SLC12A7: variants seen among roughly 807,000 people sequenced by gnomAD.
SLC12A7 encodes the protein solute carrier family 12 member 7.
SLC12A7 carries 100 observed loss-of-function variants against 120.6 expected under a neutral mutation model. The ratio of observed to expected loss-of-function variants is 0.83; its 90% confidence interval spans 0.71 to 0.98. The LOEUF (loss-of-function observed/expected upper bound fraction) is 0.98. Among genes scored for constraint, SLC12A7 ranks in the 50% least tolerant of loss-of-function variants. The pLI, the probability that SLC12A7 is intolerant of heterozygous loss-of-function variation, is 0.00. For synonymous variants in SLC12A7, 760 were observed against 678.0 expected (o/e 1.12, Z -1.88); for missense variants, 1,373 against 1,548.1 (o/e 0.89, Z 1.90).
chr5:1,140,522 C>T, the SLC12A7 span, among the ~76,000 whole-genome samples: 1 of 152,174 alleles, frequency 6.6e-6, no homozygotes, highest in Non-Finnish European at 1.5e-5. Context: ...TGCTGGCTTC[C>T]CCTCCCCACA....
At chr5:1,082,333 G>A (rs993560868) in intron 8 of SLC12A7, among the ~76,000 whole-genome samples, 74 of 143,962 alleles carry the variant, frequency 5.1e-4, no homozygotes, top group African/African-American at 1.8e-3. Flanking sequence ...TGGAAAGTCC[G>A]GGCTTCCCGT....
upstream of SLC12A7, among the ~76,000 whole-genome samples, chr5:1,115,751 C>T (rs964354900): frequency 2.0e-5 from 3 of 151,804 alleles, no homozygotes; most frequent in African/African-American, 4.8e-5. Context: ...GGCACCCACC[C>T]AGGTTCTTGC....
chr5:1,092,863 A>G (rs1440784136), intron 3 of SLC12A7, among the ~76,000 whole-genome samples: 2 of 152,140 alleles, frequency 1.3e-5, no homozygotes, highest in African/African-American at 2.4e-5. Context: ...ATCTCCCCCA[A>G]CACGGGTCCA....
At chr5:1,113,626 G>T (rs796073064), upstream of SLC12A7, among the ~76,000 whole-genome samples, 33 of 152,250 alleles carry the variant, frequency 2.2e-4, no homozygotes, top group African/African-American at 7.7e-4. Context: ...TCAGGGCTGT[G>T]GATGGTGCTA....
At chr5:1,154,390 C>CACACAGAGAGAG in the SLC12A7 span, among the ~76,000 whole-genome samples, 2 of 151,160 alleles carry the variant, frequency 1.3e-5, no homozygotes, top group African/African-American at 4.9e-5. Flanking sequence ...CACACACACA[C>CACACAGAGAGAG]AGAGACACAT....
chr5:1,061,005 A>G (rs888557244), intron 20 of SLC12A7, among the ~76,000 whole-genome samples: 30 of 149,590 alleles, frequency 2.0e-4, no homozygotes, highest in Non-Finnish European at 3.5e-4. Flanking sequence ...GCCGTGCAGG[A>G]TCCCTGAGTC....
intron 8 of SLC12A7, among the ~76,000 whole-genome samples, chr5:1,082,703 C>A (rs1306488149): frequency 6.6e-6 from 1 of 150,664 alleles, no homozygotes; most frequent in Non-Finnish European, 1.5e-5. Context: ...TCCGGGCTTC[C>A]CATCTCGGGT....
In SLC12A7 at chr5:1,112,051, A is replaced by T. The variant is rs1019349398; in HGVS notation, c.-60T>A. The T allele has an allele frequency of 3.3e-6, 4 of 1,207,538 alleles. No homozygotes were observed. In the African/African-American group the frequency reaches 6.3e-5, roughly 19 times the overall value. 74.8% of individuals were successfully genotyped at this position (1,207,538 alleles called of 1,614,324 possible). On this transcript the variant is annotated 5_prime_UTR_variant, in exon 1 of 24. Coordinates refer to ENST00000264930, the MANE Select transcript of SLC12A7 (RefSeq NM_006598.3). Reference sequence around the variant, plus strand: ...GGCCCGCGCTGCGCCGCTCCCGCCGACGCCACGGGACTTGGAGGCAGGGGC... The same window carrying T: ...GGCCCGCGCTGCGCCGCTCCCGCCGTCGCCACGGGACTTGGAGGCAGGGGC...
Position 1,078,099 on chromosome 5 carries a change from T to G in SLC12A7, c.1455-92A>C, listed in dbSNP as rs902786556. The G allele has an allele frequency of 4.2e-6, 6 of 1,413,026 alleles. No individual in the cohort carries two copies. In the African/African-American group the frequency reaches 7.3e-5, roughly 17 times the overall value. 87.5% of individuals were successfully genotyped at this position (1,413,026 alleles called of 1,614,324 possible). On this transcript the variant is annotated intron_variant, in intron 11 of 23. Transcript: ENST00000264930. ...CTCCCACCCAGAGCGAGGGGCCCAGTGCAGTGGGGGCGACTCCTTGGAAAG... is the reference window on the plus strand; with the variant it reads ...CTCCCACCCAGAGCGAGGGGCCCAGGGCAGTGGGGGCGACTCCTTGGAAAG...
Position 1,051,251 on chromosome 5 carries a change from A to G in SLC12A7, c.*1109T>C, listed in dbSNP as rs1182053308. The G allele has an allele frequency of 1.1e-5, 3 of 262,382 alleles. No homozygotes were observed. Among genetic ancestry groups the G allele is most frequent in the Non-Finnish European group, 2.1e-5 (3 of 140,306 alleles). 16.3% of individuals were successfully genotyped at this position (262,382 alleles called of 1,614,324 possible). A position where few individuals can be genotyped will look rare whatever the true frequency, so the allele number is the denominator to read the frequency against. ...GGCAGGGGACGCCCGGGACTCAGCC[A>G]GACAGACCTGACACCAGGCGCCACT... On this transcript the variant is annotated 3_prime_UTR_variant, in exon 24 of 24. Transcript: ENST00000264930.
At chr5:1,088,234 C>A in intron 5 of SLC12A7, 72 bp downstream of exon 5, 1 of 1,499,552 alleles carries the variant, frequency 6.7e-7, no homozygotes, top group Non-Finnish European at 9.1e-7. Context: ...GCGGCCTCCT[C>A]GCGGTTGCCG....
At chr5:1,131,910 CT>C in the SLC12A7 span, among the ~76,000 whole-genome samples, 1 of 152,234 alleles carries the variant, frequency 6.6e-6, no homozygotes, top group African/African-American at 2.4e-5. Flanking sequence ...CTCACTGCCC[CT>C]GGTTCTGTCA....
intron 1 of SLC12A7, among the ~76,000 whole-genome samples, chr5:1,103,470 C>T (rs1384107380): frequency 6.6e-6 from 1 of 152,014 alleles, no homozygotes; most frequent in Non-Finnish European, 1.5e-5. Flanking sequence ...CATGCACAGA[C>T]AGGCACTTCC....
the SLC12A7 span, among the ~76,000 whole-genome samples, chr5:1,151,346 A>G: frequency 6.6e-6 from 1 of 152,158 alleles, no homozygotes; most frequent in East Asian, 1.9e-4. This position sits in a 1 kb window ranked among gnomAD's most constrained non-coding sequence, Gnocchi z 6.2. Context: ...CTCGGCACAC[A>G]TCTCATTGAA....
intron 1 of SLC12A7, among the ~76,000 whole-genome samples, chr5:1,103,483 G>A (rs1392258915): frequency 6.6e-6 from 1 of 151,912 alleles, no homozygotes; most frequent in South Asian, 2.1e-4. Context: ...GCACTTCCAC[G>A]TGCACACGCA....
intron 7 of SLC12A7, among the ~76,000 whole-genome samples, chr5:1,084,571 G>A (rs967439102): frequency 2.0e-5 from 3 of 152,212 alleles, no homozygotes; most frequent in East Asian, 1.9e-4. Context: ...GTCAAGCATC[G>A]GCAGGGGGTC....
chr5:1,147,559 A>G, the SLC12A7 span, among the ~76,000 whole-genome samples: 2 of 152,102 alleles, frequency 1.3e-5, no homozygotes, highest in Admixed American at 6.5e-5. Flanking sequence ...GCTGAAGCCA[A>G]GTGATTCTTT....
chr5:1,088,828 G>A (rs528233651), intron 4 of SLC12A7, among the ~76,000 whole-genome samples, 154 bp downstream of exon 4: 4 of 152,022 alleles, frequency 2.6e-5, no homozygotes, highest in South Asian at 2.1e-4. Context: ...GCTGAACGAC[G>A]TCTACACGGG....
At position 1,060,997 on chromosome 5, in the gene SLC12A7, C is replaced by A. The variant is rs1258080803; in HGVS notation, c.2740-546G>T. 4.2e-3 allele frequency among the ~76,000 whole-genome samples: 568 copies of A among 135,292 alleles called. 6 individuals are homozygous for A. The highest frequency in any genetic ancestry group is 0.016 in the African/African-American group (522 of 32,998). The allele number at this position is 135,292 out of a possible 152,430, so 88.8% of individuals were successfully genotyped here. On this transcript the variant is annotated intron_variant, in intron 20 of 23. Transcript: ENST00000264930. ...GCTGCGTCTCACCCACTGCACCTGC[C>A]GTGCAGGATCCCTGAGTCTCACCCG...
Sources: gnomAD v4.1 joint callset for allele counts (sites outside exome capture counted in the v4.1 genomes callset) on GRCh38, gnomAD v4.1.1 for gene constraint, Gnocchi (gnomAD v3.1) non-coding constraint, MANE v1.5 for transcripts, NCBI Gene and HGNC (gene_info 2026-07-23, HGNC 2026-07-21) for gene names.